The following DNAH14 variants were observed in gnomAD, a reference collection of about 807,000 sequenced individuals.
DNAH14 encodes dynein axonemal heavy chain 14.
DNAH14 carries 478 observed loss-of-function variants against 520.9 expected under a neutral mutation model. The ratio of observed to expected loss-of-function variants is 0.92; its 90% confidence interval spans 0.85 to 0.99. DNAH14 has a LOEUF of 0.99. Among genes scored for constraint, DNAH14 ranks in the 50% least tolerant of loss-of-function variants. The pLI is 0.00. For synonymous variants in DNAH14, 1,581 were observed against 1,757.2 expected (o/e 0.90, Z 2.51); for missense variants, 4,831 against 5,234.5 (o/e 0.92, Z 2.38).
intron 23 of DNAH14, among the ~76,000 whole-genome samples, chr1:225,107,322 G>A (rs571318871): frequency 7.2e-5 from 11 of 152,310 alleles, no homozygotes; most frequent in African/African-American, 2.2e-4. Flanking sequence ...CGGGGATCAG[G>A]GACCCACTTG....
At chr1:225,310,605 C>T (rs2094344028) in intron 60 of DNAH14, among the ~76,000 whole-genome samples, 2 of 152,188 alleles carry the variant, frequency 1.3e-5, no homozygotes, top group Admixed American at 1.3e-4. Context: ...CCTAGACCCT[C>T]ACCCCCCGAC....
intron 54 of DNAH14, among the ~76,000 whole-genome samples, chr1:225,285,841 A>G (rs1231425413): frequency 6.6e-6 from 1 of 152,230 alleles, no homozygotes; most frequent in Non-Finnish European, 1.5e-5. Flanking sequence ...TGGGTGACAA[A>G]GTGAGACCCT....
chr1:225,023,272 T>G (rs540792252), intron 10 of DNAH14, among the ~76,000 whole-genome samples: 1 of 150,252 alleles, frequency 6.7e-6, no homozygotes, highest in African/African-American at 2.4e-5. Flanking sequence ...AAGAAACAAA[T>G]AAAAACAAAA....
intron 77 of DNAH14, 113 bp downstream of exon 77, chr1:225,368,145 A>C: frequency 1.0e-6 from 1 of 954,028 alleles, no homozygotes. Context: ...AAGAAAATGA[A>C]CTCTATAACT....
intron 17 of DNAH14, among the ~76,000 whole-genome samples, chr1:225,067,337 A>G (rs1025517974): frequency 1.3e-5 from 2 of 152,080 alleles, no homozygotes; most frequent in African/African-American, 4.8e-5. Context: ...TAGTGTATAC[A>G]TACCATATTT....
intron 17 of DNAH14, among the ~76,000 whole-genome samples, chr1:225,075,699 T>C (rs1243804140): frequency 6.6e-6 from 1 of 152,178 alleles, no homozygotes; most frequent in East Asian, 1.9e-4. Flanking sequence ...AAAAAAGTTA[T>C]TGTGAATTAT....
At chr1:225,240,924 A>T in intron 43 of DNAH14, 102 bp downstream of exon 43, 1 of 923,210 alleles carries the variant, frequency 1.1e-6, no homozygotes, top group Non-Finnish European at 1.6e-6. Context: ...AAATGTTAAG[A>T]TTGAAGGAAA....
intron 49 of DNAH14, among the ~76,000 whole-genome samples, chr1:225,270,239 GCATGTTCTCACTCATAGGTGGGAA>G (rs1216932879): frequency 2.8e-5 from 4 of 142,058 alleles, no homozygotes; most frequent in African/African-American, 1.1e-4. Context: ...ACCAAACACC[GCATGTTCTCACTCATAGGTGGGAA>G]CTGAACAATG....
At chr1:225,194,139 T>C (rs898620442) in intron 38 of DNAH14, among the ~76,000 whole-genome samples, 26 of 152,254 alleles carry the variant, frequency 1.7e-4, no homozygotes, top group Admixed American at 9.8e-4. Flanking sequence ...AATTACAGAC[T>C]TAATGCTATT....
chr1:224,974,051 G>C, intron 7 of DNAH14, 40 bp from the exon 8 acceptor site: 8 of 1,328,904 alleles, frequency 6.0e-6, no homozygotes, highest in Non-Finnish European at 8.1e-6. Flanking sequence ...TAAATACGTG[G>C]TTTATGGATA....
chr1:225,139,485 T>A (rs73133593), intron 27 of DNAH14, among the ~76,000 whole-genome samples: 1 of 152,208 alleles, frequency 6.6e-6, no homozygotes, highest in Non-Finnish European at 1.5e-5. Context: ...TCTCTTGCAC[T>A]TCTACGTATG....
rs369610753 is a variant in DNAH14 at position 225,078,398 on chromosome 1, C to T, written c.2425-809C>T. Among the ~76,000 whole-genome samples the T allele has an allele frequency of 1.9e-4, 29 of 152,302 alleles. No homozygotes were observed. In the South Asian group the frequency reaches 5.8e-3, roughly 31 times the overall value. ...CATTTATTATGCACCGTTCACATTT[C>T]AGTCATAATTTGCCATTTGTATTAC... is the stretch of plus-strand genomic sequence containing the variant. On this transcript the variant is annotated intron_variant, in intron 17 of 85. Transcript: ENST00000682510.
At chr1:225,222,183 ATG>A (rs1346122781) in intron 41 of DNAH14, among the ~76,000 whole-genome samples, 2 of 152,202 alleles carry the variant, frequency 1.3e-5, no homozygotes, top group Non-Finnish European at 2.9e-5. Flanking sequence ...ACCCTCAAAA[ATG>A]AAGGTAAAGA....
chr1:224,957,225 T>C (rs779455128), intron 3 of DNAH14, among the ~76,000 whole-genome samples: 15 of 152,096 alleles, frequency 9.9e-5, no homozygotes, highest in Non-Finnish European at 1.8e-4. Context: ...ACCTACACTT[T>C]GGGCTTGCTT....
At chr1:225,018,265 A>ATTG (rs2147978759) in intron 10 of DNAH14, among the ~76,000 whole-genome samples, 1 of 152,356 alleles carries the variant, frequency 6.6e-6, no homozygotes, top group Admixed American at 6.5e-5. Context: ...TCAAAATATA[A>ATTG]TTGGAGGCAT....
At chr1:225,159,532 A>G in intron 35 of DNAH14, 47 bp downstream of exon 35, 2 of 1,431,406 alleles carry the variant, frequency 1.4e-6, no homozygotes, top group Non-Finnish European at 1.9e-6. Context: ...GATGTGGAAT[A>G]TCAATTAAGA....
Position 225,015,394 on chromosome 1 carries a change from G to T in DNAH14, c.1107+7850G>T, listed in dbSNP as rs191216157. Reference sequence around the variant, plus strand: ...TTCTTCCTCTCTTATTGTTATTTTTGCAGTTAGGTGGTTTTCCGTAGTGAT... The same window carrying T: ...TTCTTCCTCTCTTATTGTTATTTTTTCAGTTAGGTGGTTTTCCGTAGTGAT... On this transcript the variant is annotated intron_variant, in intron 10 of 85. Transcript: ENST00000682510. Among the ~76,000 whole-genome samples, 234 of 152,160 alleles carry T rather than the reference G, an allele frequency of 1.5e-3. 2 individuals carry two copies. Among genetic ancestry groups the T allele is most frequent in the African/African-American group, 5.3e-3 (222 of 41,512 alleles).
chr1:225,361,781 G>A (rs1465302094), intron 75 of DNAH14, among the ~76,000 whole-genome samples: 2 of 152,106 alleles, frequency 1.3e-5, no homozygotes, highest in African/African-American at 2.4e-5. Context: ...ATGCTTTGGG[G>A]AGCCAAGGCA....
intron 1 of DNAH14, among the ~76,000 whole-genome samples, chr1:224,951,644 A>ATTTTTTTTT (rs67437504): frequency 1.2e-5 from 1 of 80,150 alleles, no homozygotes; most frequent in Admixed American, 1.4e-4. Context: ...AGATTTCTGG[A>ATTTTTTTTT]TTTTTTTTTT....
Sources: allele counts gnomAD v4.1 joint callset (sites outside exome capture counted in the v4.1 genomes callset), GRCh38; gene constraint gnomAD v4.1.1; transcripts MANE v1.5; gene names NCBI Gene and HGNC (gene_info 2026-07-23, HGNC 2026-07-21).